Variants in GALNT14 observed in about 807,000 individuals in gnomAD.
GALNT14 encodes UDP-GalNAc:polypeptide N-acetylgalactosaminyltransferase 14.
Under a neutral mutation model 77.5 loss-of-function variants are expected in GALNT14, and 60 were observed. That is an observed-to-expected ratio of 0.77 (90% CI 0.63 to 0.96). The LOEUF (loss-of-function observed/expected upper bound fraction) is 0.96, where lower values mean the gene tolerates loss of function less well. Among genes scored for constraint, GALNT14 ranks in the 40% least tolerant of loss-of-function variants. The probability of loss-of-function intolerance (pLI) is 0.00; values close to 1 mark genes in which losing one functional copy is unlikely to be tolerated. For missense variants in GALNT14, 710 were observed against 731.0 expected (o/e 0.97, Z 0.33); for synonymous variants, 280 against 281.7 (o/e 0.99, Z 0.06).
rs149692046 is a variant in GALNT14, at chr2:31,075,362, A to G, written c.129+62596T>C. ...CTTTAGAGAAAAGCAAAAGCAAACT[A>G]GCACACATCTTTCATATGCAAATGT... On this transcript the variant is annotated intron_variant, in intron 1 of 14. Coordinates refer to ENST00000349752, the MANE Select transcript of GALNT14 (RefSeq NM_024572.4). Among the ~76,000 whole-genome samples, 235 of 152,346 alleles carry G rather than the reference A, an allele frequency of 1.5e-3. 11 individuals are homozygous for G. The East Asian group carries it at 0.041, about 27-fold the overall frequency.
At chr2:30,939,572 G>T (rs969453222) in intron 9 of GALNT14, among the ~76,000 whole-genome samples, 1 of 152,094 alleles carries the variant, frequency 6.6e-6, no homozygotes, top group Admixed American at 6.5e-5. Flanking sequence ...TGCCAGGCCC[G>T]GAAGGGGTGG....
chr2:31,076,152 T>A (rs1234807735), intron 1 of GALNT14, among the ~76,000 whole-genome samples: 1 of 152,180 alleles, frequency 6.6e-6, no homozygotes, highest in African/African-American at 2.4e-5. Context: ...GGCCAGGACA[T>A]GATGCTGCCC....
At chr2:31,020,703 TGCCCTGATCA>T (rs1202187434) in intron 1 of GALNT14, among the ~76,000 whole-genome samples, 1 of 152,208 alleles carries the variant, frequency 6.6e-6, no homozygotes, top group Non-Finnish European at 1.5e-5. Flanking sequence ...CCTTCTGTCT[TGCCCTGATCA>T]GCCTCTTGGC....
At chr2:30,975,737 G>T (rs1429212823) in intron 2 of GALNT14, among the ~76,000 whole-genome samples, 1 of 152,078 alleles carries the variant, frequency 6.6e-6, no homozygotes, top group Non-Finnish European at 1.5e-5. Flanking sequence ...CTGGATAATG[G>T]TTTCTAGGTC....
At chr2:30,899,191 C>T in the GALNT14 span, among the ~76,000 whole-genome samples, 7 of 152,192 alleles carry the variant, frequency 4.6e-5, no homozygotes, top group Admixed American at 1.3e-4. Flanking sequence ...TGAATGGAGG[C>T]GGGAACCCAT....
At chr2:31,094,798 G>A (rs972319456) in intron 1 of GALNT14, among the ~76,000 whole-genome samples, 3 of 152,178 alleles carry the variant, frequency 2.0e-5, no homozygotes, top group African/African-American at 7.2e-5. Context: ...TGAGGGGCAG[G>A]GAATAGAGTA....
In GALNT14 at chr2:30,912,329, G is replaced by T. The variant is rs774174445; in HGVS notation, c.1394C>A (p.Thr465Lys). The T allele has an allele frequency of 3.1e-6, 5 of 1,614,142 alleles. No individual in the cohort carries two copies. The highest frequency in any genetic ancestry group is 1.7e-5 in the Admixed American group (1 of 60,016). ...CTCCTGGAGGATCTGCTGGGTGTAT[G>T]TGAAGGCCCATACCTGGGGAGAAAG... ...EDAKSQVWAF[T>K]YTQQILQEEL... The change falls in exon 14 of 15, where the codon ACA becomes AAA. Residue 465 changes from threonine (T) to lysine (K), a missense_variant. Transcript: ENST00000349752.
At position 30,955,895 on chromosome 2, in the gene GALNT14, C is replaced by A. The variant is rs777984941; in HGVS notation, c.532+17G>T. 6.2e-7 allele frequency: 1 copy of A among 1,613,678 alleles called. No individual in the cohort carries two copies. The highest frequency in any genetic ancestry group is 2.2e-5 in the East Asian group (1 of 44,884). On this transcript the variant is annotated intron_variant, in intron 5 of 14. Transcript: ENST00000349752. Reference sequence around the variant, plus strand: ...GACACTCACACTGGAGGCTCCCGCACAACAGCTCAGACCTACCTTGCCGTT... The same window carrying A: ...GACACTCACACTGGAGGCTCCCGCAAAACAGCTCAGACCTACCTTGCCGTT...
chr2:31,030,724 T>C (rs1672352634), intron 1 of GALNT14, among the ~76,000 whole-genome samples: 1 of 152,192 alleles, frequency 6.6e-6, no homozygotes, highest in African/African-American at 2.4e-5. Flanking sequence ...TTCTCCCTGG[T>C]GGATTCTTTA....
intron 1 of GALNT14, among the ~76,000 whole-genome samples, chr2:31,052,734 C>A (rs551328734): frequency 6.6e-6 from 1 of 152,336 alleles, no homozygotes; most frequent in Non-Finnish European, 1.5e-5. Context: ...TTGGGAGCTT[C>A]TTTTGCCTTC....
chr2:30,949,175 C>T (rs1389257776), intron 6 of GALNT14, among the ~76,000 whole-genome samples: 1 of 152,116 alleles, frequency 6.6e-6, no homozygotes, highest in Non-Finnish European at 1.5e-5. Flanking sequence ...TCTGAGTGCC[C>T]TGGGAGGTCA....
At chr2:31,134,609 C>G (rs1380781315) in intron 1 of GALNT14, among the ~76,000 whole-genome samples, 1 of 152,216 alleles carries the variant, frequency 6.6e-6, no homozygotes, top group African/African-American at 2.4e-5. Flanking sequence ...TGAGGGGAGC[C>G]TCCTGTGCCC....
intron 1 of GALNT14, among the ~76,000 whole-genome samples, chr2:31,025,435 G>A (rs7590325): frequency 6.6e-6 from 1 of 152,180 alleles, no homozygotes; most frequent in Non-Finnish European, 1.5e-5. Flanking sequence ...GGAGATGGAT[G>A]GGGAGAGAGC....
At position 31,017,462 on chromosome 2, in the gene GALNT14, G is replaced by A. The variant is rs1671444968; in HGVS notation, c.130-24455C>T. Reference sequence around the variant, plus strand: ...TTTATAAATATTTAAATTTCCTACTGAGAAAACACAAGATTTTAATCATTA... The same window carrying A: ...TTTATAAATATTTAAATTTCCTACTAAGAAAACACAAGATTTTAATCATTA... On this transcript the variant is annotated intron_variant, in intron 1 of 14. Coordinates refer to ENST00000349752, the MANE Select transcript of GALNT14 (RefSeq NM_024572.4). Among the ~76,000 whole-genome samples the A allele has an allele frequency of 2.6e-5, 4 of 152,124 alleles. No homozygotes were observed. In the South Asian group the frequency reaches 8.3e-4, roughly 32 times the overall value.
chr2:31,078,789 G>A (rs187161704), intron 1 of GALNT14: 189 of 545,698 alleles, frequency 3.5e-4, no homozygotes, highest in African/African-American at 3.0e-3. Context: ...GGCAGCATCC[G>A]AGAACAGCAC....
At chr2:31,011,785 AG>A (rs1671046477) in intron 1 of GALNT14, among the ~76,000 whole-genome samples, 1 of 152,206 alleles carries the variant, frequency 6.6e-6, no homozygotes, top group Non-Finnish European at 1.5e-5. Context: ...GAGCACAGTC[AG>A]GAGGCATGCT....
chr2:31,083,996 T>C (rs1427850167), intron 1 of GALNT14, among the ~76,000 whole-genome samples: 2 of 152,146 alleles, frequency 1.3e-5, no homozygotes, highest in Admixed American at 6.5e-5. Flanking sequence ...TTTAGGAACA[T>C]GATATCTAGA....
chr2:30,904,694 T>A, the GALNT14 span, among the ~76,000 whole-genome samples: 1 of 152,190 alleles, frequency 6.6e-6, no homozygotes, highest in Non-Finnish European at 1.5e-5. Flanking sequence ...AAGCTCGAAC[T>A]GGGCGGAGCC....
chr2:30,961,973 A>ATG (rs920908034), intron 3 of GALNT14, among the ~76,000 whole-genome samples: 1 of 152,088 alleles, frequency 6.6e-6, no homozygotes, highest in African/African-American at 2.4e-5. Flanking sequence ...GATTACAGAC[A>ATG]TGAGCCCCTG....
Sources: allele counts gnomAD v4.1 joint callset (sites outside exome capture counted in the v4.1 genomes callset), GRCh38; gene constraint gnomAD v4.1.1; transcripts MANE v1.5; gene names NCBI Gene and HGNC (gene_info 2026-07-23, HGNC 2026-07-21).